Variants in HERC3 observed in about 807,000 individuals in gnomAD.
HERC3 encodes the protein probable E3 ubiquitin-protein ligase HERC3.
A neutral mutation model predicts 129.9 loss-of-function variants in HERC3; 58 were observed. That is an observed-to-expected ratio of 0.45 (90% CI 0.36 to 0.56). The LOEUF (loss-of-function observed/expected upper bound fraction) is 0.56, where lower values mean the gene tolerates loss of function less well. Ranked by LOEUF, HERC3 falls within the 20% of genes least tolerant of loss-of-function variation. The pLI, the probability that HERC3 is intolerant of heterozygous loss-of-function variation, is 0.00. For synonymous variants in HERC3, 430 were observed against 451.0 expected, an observed-to-expected ratio of 0.95 and a Z score of 0.59; for missense variants, 835 against 1,244.2, an observed-to-expected ratio of 0.67 and a Z score of 4.95.
At chr4:88,622,853 C>T (rs1000529841) in intron 3 of HERC3, among the ~76,000 whole-genome samples, 6 of 151,968 alleles carry the variant, frequency 3.9e-5, no homozygotes, top group African/African-American at 7.2e-5. Flanking sequence ...TGCTTGAACC[C>T]GGGAGGCAGA....
chr4:88,534,486 T>G, the HERC3 span, among the ~76,000 whole-genome samples: 12 of 111,354 alleles, frequency 1.1e-4, no homozygotes, highest in Admixed American at 1.1e-3. Context: ...AACAGTTTTG[T>G]TTTTTTTTTC....
rs1391814452 is a variant in HERC3 at position 88,654,146 on chromosome 4, G to C, written c.777+13G>C. ...AGTTCTCACAAAGGTAAGGAGCTCA[G>C]AGTATTTTACTTTGGTGCTGGGGAT... is the stretch of plus-strand genomic sequence containing the variant. On this transcript the variant is annotated intron_variant, in intron 7 of 25. Coordinates refer to ENST00000402738, the MANE Select transcript of HERC3 (RefSeq NM_014606.3). 6.3e-6 allele frequency: 10 copies of C among 1,587,438 alleles called. No homozygotes were observed. The South Asian group carries it at 8.8e-5, about 14-fold the overall frequency.
chr4:88,640,430 T>C (rs1420062194), intron 3 of HERC3, among the ~76,000 whole-genome samples: 2 of 152,306 alleles, frequency 1.3e-5, no homozygotes, highest in East Asian at 3.9e-4. Flanking sequence ...TGTCAGGACA[T>C]TGATGAAGCT....
At chr4:88,674,248 G>C (rs368946833) in intron 16 of HERC3, among the ~76,000 whole-genome samples, 11 of 152,054 alleles carry the variant, frequency 7.2e-5, no homozygotes, top group African/African-American at 2.2e-4. Flanking sequence ...GAAGAGGGTG[G>C]GGGGAGAGAG....
At chr4:88,561,930 A>C in the HERC3 span, among the ~76,000 whole-genome samples, 1 of 152,142 alleles carries the variant, frequency 6.6e-6, no homozygotes, top group Non-Finnish European at 1.5e-5. Flanking sequence ...AATCTTAGTT[A>C]TTGTGAATAC....
the HERC3 span, chr4:88,524,655 T>G: frequency 6.6e-6 from 1 of 152,326 alleles, no homozygotes. Context: ...TGTACCTACC[T>G]TGTAGGTAGG....
intron 10 of HERC3, among the ~76,000 whole-genome samples, chr4:88,660,368 A>AT (rs141217144): frequency 4.0e-5 from 6 of 151,722 alleles, no homozygotes; most frequent in Admixed American, 2.0e-4. Context: ...TGCCTGGGTA[A>AT]TTTTTTTTGT....
intron 25 of HERC3, among the ~76,000 whole-genome samples, chr4:88,706,281 A>G (rs917023111): frequency 6.6e-6 from 1 of 152,234 alleles, no homozygotes; most frequent in Admixed American, 6.5e-5. Context: ...TTGCCAAGTC[A>G]CAGTGCATGT....
At chr4:88,586,310 A>T in the HERC3 span, among the ~76,000 whole-genome samples, 1 of 151,812 alleles carries the variant, frequency 6.6e-6, no homozygotes, top group Non-Finnish European at 1.5e-5. Flanking sequence ...AAATTCAGAG[A>T]TGAATGATAA....
rs370060403 is a variant in HERC3 at position 88,664,227 on chromosome 4, G to A, written c.1331+15G>A. The A allele has an allele frequency of 6.2e-7, 1 of 1,607,410 alleles. No homozygotes were observed. On this transcript the variant is annotated intron_variant, in intron 12 of 25. Coordinates refer to ENST00000402738, the MANE Select transcript of HERC3 (RefSeq NM_014606.3). ...CTTGAAAAAAAGTAAGTGACTTAGA[G>A]CCTTAAAAAACCCTCACGTGTACCT...
upstream of HERC3, chr4:88,592,469 G>C (rs1306129800): frequency 6.6e-6 from 1 of 152,350 alleles, no homozygotes; most frequent in Non-Finnish European, 1.5e-5. Context: ...GCAGGCTTGC[G>C]GGGAAACTTC....
the HERC3 span, among the ~76,000 whole-genome samples, chr4:88,561,687 C>A: frequency 6.6e-6 from 1 of 151,964 alleles, no homozygotes; most frequent in Non-Finnish European, 1.5e-5. Context: ...ATCTAGTGAC[C>A]ATCATTCTAC....
intron 3 of HERC3, among the ~76,000 whole-genome samples, chr4:88,624,787 G>A (rs146331096): frequency 1.2e-4 from 18 of 152,202 alleles, no homozygotes; most frequent in East Asian, 1.2e-3. Flanking sequence ...ACTCACAGTC[G>A]TAATGATTGT....
Position 88,667,505 on chromosome 4 carries a change from G to T in HERC3, c.1443+17G>T. Reference sequence around the variant, plus strand: ...CTAGAACAGGTATGTTTCTATATTTGTAAAGTGCATTCTTAAAAATGCATT... The same window carrying T: ...CTAGAACAGGTATGTTTCTATATTTTTAAAGTGCATTCTTAAAAATGCATT... On this transcript the variant is annotated intron_variant, in intron 13 of 25. Transcript: ENST00000402738. 1 of 1,357,426 alleles carries T rather than the reference G, an allele frequency of 7.4e-7. No homozygotes were observed. The highest frequency in any genetic ancestry group is 1.0e-6 in the Non-Finnish European group (1 of 973,278). 84.1% of individuals were successfully genotyped at this position (1,357,426 alleles called of 1,614,324 possible). A position where few individuals can be genotyped will look rare whatever the true frequency, so the allele number is the denominator to read the frequency against.
chr4:88,640,456 C>G (rs1322035466), intron 3 of HERC3, among the ~76,000 whole-genome samples: 2 of 152,186 alleles, frequency 1.3e-5, no homozygotes, highest in African/African-American at 2.4e-5. Context: ...CCATCATTCT[C>G]AGCAAACTAA....
the HERC3 span, chr4:88,525,019 G>GGTT: frequency 9.1e-6 from 1 of 109,490 alleles, no homozygotes; most frequent in African/African-American, 3.5e-5. Context: ...GGGCCATCCT[G>GGTT]TTTTTTTTAA....
chr4:88,637,632 A>G (rs1727574421), intron 3 of HERC3, among the ~76,000 whole-genome samples: 1 of 152,232 alleles, frequency 6.6e-6, no homozygotes, highest in South Asian at 2.1e-4. Flanking sequence ...CTAAATGCCC[A>G]TATCAGAAAG....
At chr4:88,615,258 G>A (rs528276144) in intron 3 of HERC3, among the ~76,000 whole-genome samples, 3 of 152,190 alleles carry the variant, frequency 2.0e-5, no homozygotes, top group African/African-American at 7.2e-5. Flanking sequence ...ATAGATCTGG[G>A]GTAGGTAGAA....
At chr4:88,588,065 T>C (rs1160059101), upstream of HERC3, among the ~76,000 whole-genome samples, 1 of 152,262 alleles carries the variant, frequency 6.6e-6, no homozygotes, top group Non-Finnish European at 1.5e-5. Flanking sequence ...CTGTTATCAT[T>C]AATACATTTT....
Sources: allele counts gnomAD v4.1 joint callset (sites outside exome capture counted in the v4.1 genomes callset), GRCh38; gene constraint gnomAD v4.1.1; transcripts MANE v1.5; gene names NCBI Gene and HGNC (gene_info 2026-07-23, HGNC 2026-07-21).